Variants in DTNB observed in about 807,000 individuals in gnomAD.
DTNB encodes dystrobrevin beta, also known as DTN-B.
A neutral mutation model predicts 90.7 loss-of-function variants in DTNB; 63 were observed. The ratio of observed to expected loss-of-function variants is 0.69; its 90% CI spans 0.57 to 0.86. The LOEUF (loss-of-function observed/expected upper bound fraction) is 0.86, where lower values mean the gene tolerates loss of function less well. DTNB is among the 40% of genes least tolerant of loss of function. The pLI is 0.00. For missense variants in DTNB, 744 were observed against 807.1 expected, an observed-to-expected ratio of 0.92 and a Z score of 0.95; for synonymous variants, 277 against 286.7, an observed-to-expected ratio of 0.97 and a Z score of 0.34.
chr2:25,609,686 ACACACACAC>A (rs2068051313), intron 4 of DTNB, among the ~76,000 whole-genome samples: 3 of 151,070 alleles, frequency 2.0e-5, no homozygotes, highest in Non-Finnish European at 4.4e-5. Context: ...ACACACACAC[ACACACACAC>A]ACACACACAC....
At chr2:25,546,735 C>T (rs568977727) in intron 8 of DTNB, among the ~76,000 whole-genome samples, 4 of 152,252 alleles carry the variant, frequency 2.6e-5, no homozygotes, top group African/African-American at 7.2e-5. Context: ...TTTAATCCAG[C>T]GTGCATGTCT....
intron 16 of DTNB, among the ~76,000 whole-genome samples, chr2:25,416,424 C>T (rs569338154): frequency 2.9e-4 from 44 of 152,360 alleles, no homozygotes; most frequent in South Asian, 1.2e-3. Flanking sequence ...GTAATCCCAA[C>T]ACTTTGGGAG....
At chr2:25,419,587 A>G in intron 15 of DTNB, 52 bp from the exon 16 acceptor site, 1 of 1,540,730 alleles carries the variant, frequency 6.5e-7, no homozygotes, top group Non-Finnish European at 8.8e-7. Flanking sequence ...GAGAGAAATT[A>G]ATGCCCATTA....
chr2:25,557,332 A>G (rs1317290779), intron 8 of DTNB, among the ~76,000 whole-genome samples: 2 of 152,118 alleles, frequency 1.3e-5, no homozygotes, highest in Non-Finnish European at 2.9e-5. Flanking sequence ...CACTGAATGA[A>G]TACCAGGACA....
chr2:25,586,290 C>T (rs376126232), intron 6 of DTNB, among the ~76,000 whole-genome samples: 9 of 151,820 alleles, frequency 5.9e-5, no homozygotes, highest in Non-Finnish European at 1.3e-4. Context: ...GCAGGCGGAT[C>T]ACTTGAGGTC....
In DTNB at chr2:25,411,735, C is replaced by T. The variant is rs1361964676; in HGVS notation, c.1575+7780G>A. Among the ~76,000 whole-genome samples, 3 of 152,338 alleles carry T rather than the reference C, an allele frequency of 2.0e-5. No homozygotes were observed. The South Asian group carries it at 6.2e-4, about 32-fold the overall frequency. ...TCTGCATTTAGGGTATCATGTCAAC[C>T]ATGAAATAACTTTCAGACTATTTGA... is the stretch of plus-strand genomic sequence containing the variant. On this transcript the variant is annotated intron_variant, in intron 16 of 20. Coordinates refer to ENST00000406818, the MANE Select transcript of DTNB (RefSeq NM_021907.5).
intron 4 of DTNB, among the ~76,000 whole-genome samples, chr2:25,623,486 A>G (rs949792593): frequency 4.6e-5 from 7 of 152,178 alleles, no homozygotes; most frequent in Admixed American, 2.0e-4. Flanking sequence ...CTACTCTCCT[A>G]TTAGTTTGGG....
intron 14 of DTNB, among the ~76,000 whole-genome samples, chr2:25,430,570 A>G (rs1259591092): frequency 1.3e-5 from 2 of 152,198 alleles, no homozygotes; most frequent in Non-Finnish European, 2.9e-5. Flanking sequence ...TCCCCACCAT[A>G]TTAGTATAAT....
intron 1 of DTNB, among the ~76,000 whole-genome samples, chr2:25,669,744 G>C (rs1263691778): frequency 6.6e-6 from 1 of 152,120 alleles, no homozygotes; most frequent in Non-Finnish European, 1.5e-5. Context: ...CCAACGCTTT[G>C]GGAGGATCAC....
At position 25,598,913 on chromosome 2, in the gene DTNB, A is replaced by G; in HGVS notation, c.449-2673T>C. ...ATAGGAAGAGTATTTCTGTTATAAA[A>G]GAAAACGATGAAAGAGGGAAGCAAT... On this transcript the variant is annotated intron_variant, in intron 5 of 20. Coordinates refer to ENST00000406818, the MANE Select transcript of DTNB (RefSeq NM_021907.5). 2 of 152,210 alleles carry G rather than the reference A, an allele frequency of 1.3e-5. 1 individual carries two copies. Among genetic ancestry groups the G allele is most frequent in the South Asian group, 4.1e-4 (2 of 4,826 alleles). 9.4% of individuals were successfully genotyped at this position (152,210 alleles called of 1,614,324 possible).
intron 8 of DTNB, among the ~76,000 whole-genome samples, chr2:25,564,856 A>G (rs2058781312): frequency 6.6e-6 from 1 of 152,120 alleles, no homozygotes; most frequent in Non-Finnish European, 1.5e-5. Flanking sequence ...TAATTTTTGC[A>G]TTTTTTGAAG....
rs573526822 is a variant in DTNB, at chr2:25,472,998, G to A, written c.1079+9798C>T. Among the ~76,000 whole-genome samples, 11 of 152,272 alleles carry A rather than the reference G, an allele frequency of 7.2e-5. No homozygotes were observed. The East Asian group carries it at 9.6e-4, about 13-fold the overall frequency. Reference sequence around the variant, plus strand: ...ACTGGTTAGCACAGAACACTTCCACGCTACCAGACAGTGCTGCAGCAAAGA... The same window carrying A: ...ACTGGTTAGCACAGAACACTTCCACACTACCAGACAGTGCTGCAGCAAAGA... On this transcript the variant is annotated intron_variant, in intron 10 of 20. Coordinates refer to ENST00000406818, the MANE Select transcript of DTNB (RefSeq NM_021907.5).
At chr2:25,474,619 T>C (rs916935141) in intron 10 of DTNB, among the ~76,000 whole-genome samples, 4 of 152,226 alleles carry the variant, frequency 2.6e-5, no homozygotes, top group Non-Finnish European at 5.9e-5. Context: ...ACTCTTTACC[T>C]TGTCACCCAG....
chr2:25,407,294 G>A (rs1015270653), intron 16 of DTNB, among the ~76,000 whole-genome samples: 3 of 152,200 alleles, frequency 2.0e-5, no homozygotes, highest in Admixed American at 2.0e-4. Flanking sequence ...TGGATGTGGT[G>A]AAAAGGGAAT....
At chr2:25,546,372 T>C (rs145721934) in intron 8 of DTNB, among the ~76,000 whole-genome samples, 2 of 152,362 alleles carry the variant, frequency 1.3e-5, no homozygotes, top group Non-Finnish European at 1.5e-5. Context: ...TCTAAACTTT[T>C]CAGAAAACTG....
chr2:25,509,799 G>A (rs2073514147), intron 9 of DTNB, among the ~76,000 whole-genome samples: 1 of 144,088 alleles, frequency 6.9e-6, no homozygotes, highest in African/African-American at 2.6e-5. Context: ...GCCTAGGCTG[G>A]AGTGCAGTGG....
At chr2:25,570,406 C>CAAAAAA (rs146251976) in intron 8 of DTNB, among the ~76,000 whole-genome samples, 48 of 89,898 alleles carry the variant, frequency 5.3e-4, no homozygotes, top group African/African-American at 2.2e-3. Flanking sequence ...TTTCCTGTCT[C>CAAAAAA]AAAAAAAAAA....
chr2:25,601,984 T>C (rs1441072614), intron 5 of DTNB, among the ~76,000 whole-genome samples: 1 of 152,004 alleles, frequency 6.6e-6, no homozygotes, highest in Non-Finnish European at 1.5e-5. Context: ...TAGTCAGGCA[T>C]GGTGGCACAC....
intron 1 of DTNB, among the ~76,000 whole-genome samples, chr2:25,663,136 C>T (rs1221550215): frequency 6.6e-6 from 1 of 151,548 alleles, no homozygotes; most frequent in Non-Finnish European, 1.5e-5. Context: ...CTGTTCAACT[C>T]CCACTTATGA....
Sources: allele counts gnomAD v4.1 joint callset (sites outside exome capture counted in the v4.1 genomes callset), GRCh38; gene constraint gnomAD v4.1.1; transcripts MANE v1.5; gene names NCBI Gene and HGNC (gene_info 2026-07-23, HGNC 2026-07-21).